The following PDE4D variants were observed in gnomAD, a reference collection of about 807,000 sequenced individuals.
The protein encoded by PDE4D is phosphodiesterase 4D.
In PDE4D, 24 loss-of-function variants were observed where a neutral mutation model predicts 87.4. The observed-to-expected ratio is 0.27, with a 90% confidence interval of 0.20 to 0.39. The LOEUF (loss-of-function observed/expected upper bound fraction) is 0.39. PDE4D is among the 10% of genes least tolerant of loss of function. The pLI is 1.00. For missense variants in PDE4D, 714 were observed against 1,041.0 expected (o/e 0.69, Z 4.32); for synonymous variants, 384 against 383.2 (o/e 1.00, Z -0.02).
chr5:60,099,661 A>G (rs541311379), intron 2 of PDE4D, among the ~76,000 whole-genome samples: 2 of 152,074 alleles, frequency 1.3e-5, no homozygotes, highest in South Asian at 4.1e-4. Flanking sequence ...GTTCATCTAT[A>G]AGAATAGATT....
chr5:59,574,006 ATATATATATATATATAT>A (rs1822355053), intron 1 of PDE4D, among the ~76,000 whole-genome samples: 3 of 95,974 alleles, frequency 3.1e-5, no homozygotes, highest in African/African-American at 1.3e-4. Flanking sequence ...TCAAAAAAAA[ATATATATATATATATAT>A]ATATAAAAAT....
intron 1 of PDE4D, among the ~76,000 whole-genome samples, chr5:60,356,942 G>A (rs1759671564): frequency 6.6e-6 from 1 of 152,092 alleles, no homozygotes; most frequent in African/African-American, 2.4e-5. Flanking sequence ...CTATGGAACT[G>A]GACACTCACG....
chr5:59,567,210 T>C (rs1467447844), intron 1 of PDE4D, among the ~76,000 whole-genome samples: 2 of 152,216 alleles, frequency 1.3e-5, no homozygotes, highest in Admixed American at 6.5e-5. Context: ...TGCTTTAATA[T>C]CTGAAGCCAA....
intron 2 of PDE4D, among the ~76,000 whole-genome samples, chr5:60,124,124 T>C (rs1185130721): frequency 6.6e-6 from 1 of 152,200 alleles, no homozygotes; most frequent in Non-Finnish European, 1.5e-5. Flanking sequence ...CCCTAGTCTA[T>C]TTTGAAACAT....
rs1411181396 is a variant in PDE4D, at chr5:59,682,936, A to G, written c.455+210232T>C. Among the ~76,000 whole-genome samples, 5 of 152,232 alleles carry G rather than the reference A, an allele frequency of 3.3e-5. No homozygotes were observed. The East Asian group carries it at 9.6e-4, about 29-fold the overall frequency. On this transcript the variant is annotated intron_variant, in intron 1 of 14. Coordinates refer to ENST00000340635, the MANE Select transcript of PDE4D (RefSeq NM_001104631.2). ...AGACTCAGAAACTGCTCCAGTTTAA[A>G]GGATATTAAAGAGACATGACAACTG...
At chr5:59,724,858 A>G (rs570679464) in intron 1 of PDE4D, among the ~76,000 whole-genome samples, 1 of 152,284 alleles carries the variant, frequency 6.6e-6, no homozygotes, top group African/African-American at 2.4e-5. Context: ...GAAGCCCAAT[A>G]CAAATATATA....
chr5:60,460,461 A>T, intron 1 of PDE4D: 1 of 1,524,646 alleles, frequency 6.6e-7, no homozygotes, highest in Non-Finnish European at 9.1e-7. Context: ...TTACCCCAAA[A>T]TTTGGGATTT....
chr5:59,779,897 G>A lies in PDE4D; in HGVS notation c.455+113271C>T, dbSNP rs561937688. Among the ~76,000 whole-genome samples the A allele has an allele frequency of 3.6e-3, 546 of 152,208 alleles. 2 individuals are homozygous for A. The highest frequency in any genetic ancestry group is 0.013 in the African/African-American group (526 of 41,530). Reference sequence around the variant, plus strand: ...GCATTTTTAAATTTTAATAGAAACTGCCAAATTGTTCTCCAAAGTAGATTA... The same window carrying A: ...GCATTTTTAAATTTTAATAGAAACTACCAAATTGTTCTCCAAAGTAGATTA... On this transcript the variant is annotated intron_variant, in intron 1 of 14. Coordinates refer to ENST00000340635, the MANE Select transcript of PDE4D (RefSeq NM_001104631.2).
intron 1 of PDE4D, among the ~76,000 whole-genome samples, chr5:59,269,899 A>C (rs974575039): frequency 2.6e-5 from 4 of 152,084 alleles, no homozygotes; most frequent in Non-Finnish European, 5.9e-5. Flanking sequence ...AACGTGTTTA[A>C]AATCCATTGA....
chr5:59,127,361 G>A (rs1181451053), intron 5 of PDE4D, among the ~76,000 whole-genome samples: 1 of 152,108 alleles, frequency 6.6e-6, no homozygotes, highest in African/African-American at 2.4e-5. Flanking sequence ...GCACCTGGGT[G>A]GCACAGTTTG....
intron 2 of PDE4D, among the ~76,000 whole-genome samples, chr5:60,023,160 A>C (rs999010489): frequency 2.6e-5 from 4 of 152,172 alleles, no homozygotes; most frequent in Non-Finnish European, 5.9e-5. Flanking sequence ...AGCAGGATTT[A>C]TCTCTTAGGT....
chr5:59,238,080 A>C (rs1366771199), intron 1 of PDE4D, among the ~76,000 whole-genome samples: 1 of 152,156 alleles, frequency 6.6e-6, no homozygotes, highest in Non-Finnish European at 1.5e-5. Flanking sequence ...CCTGAGTTCA[A>C]AACCTGATTC....
At chr5:59,033,429 T>TA (rs1278578180) in intron 6 of PDE4D, among the ~76,000 whole-genome samples, 2 of 152,224 alleles carry the variant, frequency 1.3e-5, no homozygotes, top group African/African-American at 4.8e-5. Flanking sequence ...CTACTAGAGC[T>TA]ACGCTATCAC....
At chr5:59,397,277 A>AT (rs752946906) in intron 1 of PDE4D, among the ~76,000 whole-genome samples, 4 of 123,858 alleles carry the variant, frequency 3.2e-5, no homozygotes, top group Non-Finnish European at 6.9e-5. Flanking sequence ...CAGAATATAC[A>AT]TTTTTTTCAG....
At chr5:58,991,728 A>C (rs1312211887) in intron 8 of PDE4D, 104 bp downstream of exon 8, 32 of 32,114 alleles carry the variant, frequency 1.0e-3, no homozygotes, top group Non-Finnish European at 1.4e-3. Flanking sequence ...AAAAAAAAAA[A>C]CCCCAATTAA....
intron 1 of PDE4D, among the ~76,000 whole-genome samples, chr5:60,494,028 C>T (rs1749682453): frequency 6.6e-6 from 1 of 152,112 alleles, no homozygotes; most frequent in Non-Finnish European, 1.5e-5. Context: ...CCAATAAAAT[C>T]AAATGTGAGG....
intron 1 of PDE4D, among the ~76,000 whole-genome samples, chr5:59,637,111 A>C (rs1288827080): frequency 6.6e-6 from 1 of 152,252 alleles, no homozygotes; most frequent in Non-Finnish European, 1.5e-5. Flanking sequence ...TCTCAAAAGA[A>C]GACATTTATG....
chr5:59,844,043 A>G (rs150259125), intron 1 of PDE4D, among the ~76,000 whole-genome samples: 31 of 152,182 alleles, frequency 2.0e-4, no homozygotes, highest in Non-Finnish European at 3.7e-4. Context: ...GCTGGACTTC[A>G]TTTCCACTGA....
At chr5:59,186,734 G>C (rs192258797) in intron 3 of PDE4D, among the ~76,000 whole-genome samples, 19 of 152,290 alleles carry the variant, frequency 1.2e-4, no homozygotes, top group Non-Finnish European at 2.6e-4. Flanking sequence ...TGCTTCCTAA[G>C]AAGCCAACCG....
Sources: allele counts gnomAD v4.1 joint callset (sites outside exome capture counted in the v4.1 genomes callset), GRCh38; gene constraint gnomAD v4.1.1; transcripts MANE v1.5; gene names NCBI Gene and HGNC (gene_info 2026-07-23, HGNC 2026-07-21).